GPM6A: variants seen among roughly 807,000 people sequenced by gnomAD.
GPM6A encodes glycoprotein M6A, also known as neuronal membrane glycoprotein M6-a.
Under a neutral mutation model 32.1 loss-of-function variants are expected in GPM6A, and 7 were observed. That is an observed-to-expected ratio of 0.22 (90% CI 0.12 to 0.41). GPM6A has a LOEUF of 0.41. Ranked by LOEUF, GPM6A falls within the 10% of genes least tolerant of loss-of-function variation. GPM6A has a pLI of 1.00. For missense variants in GPM6A, 235 were observed against 347.2 expected (o/e 0.68, Z 2.57); for synonymous variants, 130 against 123.4 (o/e 1.05, Z -0.35).
chr4:175,772,110 T>C (rs1456766216), intron 1 of GPM6A, among the ~76,000 whole-genome samples: 1 of 152,186 alleles, frequency 6.6e-6, no homozygotes, highest in African/African-American at 2.4e-5. Context: ...GATAAGGGTA[T>C]CTTAGGAATG....
chr4:175,657,184 C>T (rs769645141), intron 3 of GPM6A, among the ~76,000 whole-genome samples: 75 of 152,120 alleles, frequency 4.9e-4, no homozygotes, highest in Non-Finnish European at 8.4e-4. Context: ...AATCATGTTT[C>T]CCACTTTAAC....
intron 1 of GPM6A, among the ~76,000 whole-genome samples, chr4:175,927,400 AT>A (rs1021965195): frequency 9.8e-5 from 15 of 152,346 alleles, no homozygotes; most frequent in African/African-American, 3.6e-4. Context: ...AGATTATGGC[AT>A]TTTTTTAATA....
intron 1 of GPM6A, among the ~76,000 whole-genome samples, chr4:175,778,627 C>CAAAAAAAA (rs34286041): frequency 1.6e-4 from 12 of 75,198 alleles, no homozygotes; most frequent in South Asian, 5.5e-4. Flanking sequence ...CTGTATCCAA[C>CAAAAAAAA]AAAAAAAAAA....
chr4:175,682,497 A>G (rs988050147), intron 2 of GPM6A, among the ~76,000 whole-genome samples: 16 of 152,162 alleles, frequency 1.1e-4, no homozygotes, highest in Non-Finnish European at 1.0e-4. Flanking sequence ...AATATCCAAG[A>G]CAATGGAGAA....
intron 1 of GPM6A, among the ~76,000 whole-genome samples, chr4:175,976,739 C>T (rs1257754319): frequency 6.6e-6 from 1 of 152,104 alleles, no homozygotes; most frequent in African/African-American, 2.4e-5. Flanking sequence ...AAGGCAGTCC[C>T]GTGGAGCTCT....
At chr4:175,882,706 G>A (rs1737320483) in intron 1 of GPM6A, among the ~76,000 whole-genome samples, 1 of 151,620 alleles carries the variant, frequency 6.6e-6, no homozygotes, top group Non-Finnish European at 1.5e-5. Context: ...AAAACTGTAG[G>A]GAACAAGACC....
intron 2 of GPM6A, among the ~76,000 whole-genome samples, chr4:175,677,675 C>T (rs1051283218): frequency 3.3e-5 from 5 of 151,948 alleles, no homozygotes; most frequent in African/African-American, 9.7e-5. Flanking sequence ...AATCTTTTTC[C>T]GATCATTCTG....
intron 1 of GPM6A, among the ~76,000 whole-genome samples, chr4:175,719,393 T>C (rs1746002482): frequency 6.6e-6 from 1 of 151,994 alleles, no homozygotes. Context: ...AGAGACGGGG[T>C]TTCACCATGT....
chr4:175,872,327 C>A (rs1377883557), intron 1 of GPM6A, among the ~76,000 whole-genome samples: 3 of 152,172 alleles, frequency 2.0e-5, no homozygotes. Flanking sequence ...CAGACTTACA[C>A]CCTTCTCCTC....
At chr4:175,992,076 A>G (rs1260538884) in intron 1 of GPM6A, among the ~76,000 whole-genome samples, 2 of 152,076 alleles carry the variant, frequency 1.3e-5, no homozygotes, top group Admixed American at 1.3e-4. Context: ...ACACACACAC[A>G]CACACACACA....
At chr4:175,801,423 T>A (rs901375074) in intron 1 of GPM6A, among the ~76,000 whole-genome samples, 1 of 152,018 alleles carries the variant, frequency 6.6e-6, no homozygotes, top group African/African-American at 2.4e-5. Flanking sequence ...TATTGGTAAT[T>A]TGACGTGGTT....
chr4:175,758,606 G>T (rs530888095), intron 1 of GPM6A, among the ~76,000 whole-genome samples: 1 of 152,086 alleles, frequency 6.6e-6, no homozygotes, highest in African/African-American at 2.4e-5. Context: ...AAAAATGACC[G>T]TTTTTTATAG....
upstream of GPM6A, among the ~76,000 whole-genome samples, chr4:175,815,960 G>A (rs1579534684): frequency 6.6e-6 from 1 of 151,818 alleles, no homozygotes; most frequent in Admixed American, 6.6e-5. Context: ...CAGGTGATCC[G>A]CCTACCTCGG....
intron 1 of GPM6A, among the ~76,000 whole-genome samples, chr4:175,736,904 A>G (rs747763571): frequency 6.6e-6 from 1 of 152,238 alleles, no homozygotes; most frequent in Non-Finnish European, 1.5e-5. Flanking sequence ...AGCACAATGC[A>G]TTAGTCACAT....
At chr4:175,638,753 C>G (rs1352629970) in intron 6 of GPM6A, among the ~76,000 whole-genome samples, 1 of 152,032 alleles carries the variant, frequency 6.6e-6, no homozygotes, top group Non-Finnish European at 1.5e-5. Flanking sequence ...GTATATATTG[C>G]TTGTACATAC....
intron 1 of GPM6A, among the ~76,000 whole-genome samples, chr4:175,936,106 C>T (rs565627532): frequency 6.6e-6 from 1 of 151,386 alleles, no homozygotes; most frequent in South Asian, 2.1e-4. Context: ...GTGATCGAGA[C>T]CATCCTGGCT....
At chr4:175,664,662 C>T (rs972249960) in intron 3 of GPM6A, among the ~76,000 whole-genome samples, 14 of 152,198 alleles carry the variant, frequency 9.2e-5, no homozygotes, top group Admixed American at 2.0e-4. Flanking sequence ...ATCTAGCACA[C>T]GGATGACTGC....
chr4:175,636,405 T>C (rs1432967841), intron 6 of GPM6A, among the ~76,000 whole-genome samples: 1 of 150,956 alleles, frequency 6.6e-6, no homozygotes, highest in Non-Finnish European at 1.5e-5. Context: ...ACATAGCAGA[T>C]ACACAAAATA....
chr4:175,877,401 T>C (rs1482393336), intron 1 of GPM6A, among the ~76,000 whole-genome samples: 1 of 152,166 alleles, frequency 6.6e-6, no homozygotes, highest in East Asian at 1.9e-4. Flanking sequence ...CACCCTGCTA[T>C]GAAGAAATAC....
Sources: allele counts gnomAD v4.1 joint callset (sites outside exome capture counted in the v4.1 genomes callset), GRCh38; gene constraint gnomAD v4.1.1; transcripts MANE v1.5; gene names NCBI Gene and HGNC (gene_info 2026-07-23, HGNC 2026-07-21).